SBF2: variants seen among roughly 807,000 people sequenced by gnomAD.
SBF2 encodes the protein SET binding factor 2.
In SBF2, 112 loss-of-function variants were observed where a neutral mutation model predicts 225.2. That is an observed-to-expected ratio of 0.50 (90% CI 0.43 to 0.58). The LOEUF (loss-of-function observed/expected upper bound fraction) is 0.58. SBF2 is among the 20% of genes least tolerant of loss of function. SBF2 has a pLI of 0.00. For missense variants in SBF2, 1,996 were observed against 2,206.2 expected, an observed-to-expected ratio of 0.90 and a Z score of 1.91; for synonymous variants, 763 against 773.3, an observed-to-expected ratio of 0.99 and a Z score of 0.22.
chr11:9,783,280 A>G lies in SBF2; in HGVS notation c.5319+1071T>C, dbSNP rs548171199. 3.3e-5 allele frequency among the ~76,000 whole-genome samples: 5 copies of G among 152,314 alleles called. No homozygotes were observed. In the South Asian group the frequency reaches 8.3e-4, roughly 25 times the overall value. ...ATATTTGAACATAAATTATCTATCT[A>G]TATTGTCCCACAAAGACTCTGTAAT... On this transcript the variant is annotated intron_variant, in intron 38 of 39. Transcript: ENST00000256190.
intron 16 of SBF2, among the ~76,000 whole-genome samples, chr11:9,913,377 C>T: frequency 6.6e-6 from 1 of 152,238 alleles, no homozygotes; most frequent in Admixed American, 6.5e-5. Flanking sequence ...GATAGCATTA[C>T]ACAGCCACCA....
At chr11:10,160,221 GA>G (rs1955673997) in intron 2 of SBF2, among the ~76,000 whole-genome samples, 1 of 151,842 alleles carries the variant, frequency 6.6e-6, no homozygotes, top group African/African-American at 2.4e-5. Flanking sequence ...GTAAAGTCGT[GA>G]AATAAAAACA....
chr11:10,061,275 C>T (rs377486477), intron 2 of SBF2, among the ~76,000 whole-genome samples: 4 of 152,030 alleles, frequency 2.6e-5, no homozygotes, highest in African/African-American at 9.7e-5. Context: ...TGGAAGCACT[C>T]CCCTTGAAAA....
At chr11:9,930,573 G>A (rs1175333332) in intron 16 of SBF2, among the ~76,000 whole-genome samples, 1 of 152,188 alleles carries the variant, frequency 6.6e-6, no homozygotes, top group Non-Finnish European at 1.5e-5. Flanking sequence ...TTTGATTGTT[G>A]TGATAGTTTC....
chr11:10,094,527 G>GTTTTTTTTTT (rs1565222159), intron 2 of SBF2, among the ~76,000 whole-genome samples: 2 of 71,646 alleles, frequency 2.8e-5, no homozygotes, highest in Non-Finnish European at 6.7e-5. Context: ...AATACACACA[G>GTTTTTTTTTT]ATTTTTTTTT....
intron 16 of SBF2, among the ~76,000 whole-genome samples, chr11:9,944,522 G>A (rs1053333011): frequency 2.0e-5 from 3 of 152,056 alleles, no homozygotes; most frequent in African/African-American, 7.2e-5. Context: ...TACATATTAT[G>A]GATATTTTCA....
intron 17 of SBF2, among the ~76,000 whole-genome samples, chr11:9,882,812 A>AT: frequency 1.2e-5 from 1 of 83,948 alleles, no homozygotes; most frequent in South Asian, 3.4e-4. Flanking sequence ...AAAAAAAAAA[A>AT]AAAAAAAACC....
intron 6 of SBF2, among the ~76,000 whole-genome samples, chr11:10,011,393 A>C (rs1172354319): frequency 1.3e-5 from 2 of 152,114 alleles, no homozygotes; most frequent in East Asian, 3.9e-4. Context: ...CATCTGGATA[A>C]TTTTTGTATT....
intron 1 of SBF2, among the ~76,000 whole-genome samples, chr11:10,224,199 T>G (rs1388083923): frequency 6.6e-6 from 1 of 152,122 alleles, no homozygotes; most frequent in Non-Finnish European, 1.5e-5. Flanking sequence ...TTGTCACACA[T>G]CACCAAATAA....
At chr11:9,799,974 A>G (rs997207118) in intron 32 of SBF2, among the ~76,000 whole-genome samples, 1 of 152,246 alleles carries the variant, frequency 6.6e-6, no homozygotes, top group Non-Finnish European at 1.5e-5. Context: ...ATAGTGGCTC[A>G]TGCCTATAAT....
chr11:10,274,312 C>T (rs1308642800), intron 1 of SBF2, among the ~76,000 whole-genome samples: 1 of 152,164 alleles, frequency 6.6e-6, no homozygotes, highest in Non-Finnish European at 1.5e-5. Flanking sequence ...GTACCTAGAA[C>T]TAAATTCATC....
At chr11:9,835,779 C>T (rs958875) in intron 26 of SBF2, among the ~76,000 whole-genome samples, 12,028 of 151,984 alleles carry the variant, frequency 0.079, 558 homozygotes, top group East Asian at 0.16. Context: ...GAGATCCATC[C>T]GTGTTATTTG....
intron 2 of SBF2, among the ~76,000 whole-genome samples, chr11:10,107,381 T>C (rs923910340): frequency 1.3e-5 from 2 of 152,162 alleles, no homozygotes; most frequent in African/African-American, 4.8e-5. Context: ...TCAAAATAAT[T>C]ATACTGAGTT....
chr11:10,092,573 T>C (rs10840363), intron 2 of SBF2, among the ~76,000 whole-genome samples: 70,401 of 152,010 alleles, frequency 0.46, 16,708 homozygotes, highest in Admixed American at 0.56. Flanking sequence ...CTAAGCCATT[T>C]ATCACAGATC....
rs186963587 is a variant in SBF2 at position 9,944,657 on chromosome 11, G to T, written c.1860+17300C>A. On this transcript the variant is annotated intron_variant, in intron 16 of 39. Transcript: ENST00000256190. Reference sequence around the variant, plus strand: ...CCAAATACTGCTCAAAGAAATCAGAGATGACACAAATAAATGGAAAAAACA... The same window carrying T: ...CCAAATACTGCTCAAAGAAATCAGATATGACACAAATAAATGGAAAAAACA... Among the ~76,000 whole-genome samples, 64 of 152,240 alleles carry T rather than the reference G, an allele frequency of 4.2e-4. 2 individuals carry two copies. In the East Asian group the frequency reaches 0.011, roughly 26 times the overall value.
At chr11:9,926,730 T>C (rs948804469) in intron 16 of SBF2, among the ~76,000 whole-genome samples, 5 of 152,180 alleles carry the variant, frequency 3.3e-5, no homozygotes, top group African/African-American at 1.2e-4. Flanking sequence ...TATAAAAATT[T>C]GTTGGCTGCT....
At chr11:10,185,753 T>C (rs1956911684) in intron 2 of SBF2, among the ~76,000 whole-genome samples, 1 of 151,322 alleles carries the variant, frequency 6.6e-6, no homozygotes, top group South Asian at 2.1e-4. Flanking sequence ...TCTCGTACTT[T>C]TTAACAGCTG....
intron 24 of SBF2, among the ~76,000 whole-genome samples, chr11:9,843,559 G>T (rs1056371853): frequency 6.6e-6 from 1 of 152,198 alleles, no homozygotes; most frequent in Middle Eastern, 3.2e-3. Context: ...TGAAGACTCT[G>T]AAGACTGTTC....
chr11:9,845,225 C>T (rs1856454058), intron 24 of SBF2, among the ~76,000 whole-genome samples: 1 of 151,922 alleles, frequency 6.6e-6, no homozygotes, highest in Non-Finnish European at 1.5e-5. Context: ...CAAATCTGTC[C>T]ACTGGGCCTG....
Sources: allele counts gnomAD v4.1 joint callset (sites outside exome capture counted in the v4.1 genomes callset), GRCh38; gene constraint gnomAD v4.1.1; transcripts MANE v1.5; gene names NCBI Gene and HGNC (gene_info 2026-07-23, HGNC 2026-07-21).